CYFIP1: variants seen among roughly 807,000 people sequenced by gnomAD.
CYFIP1 encodes cytoplasmic FMR1 interacting protein 1.
CYFIP1 carries 58 observed loss-of-function variants against 163.5 expected under a neutral mutation model. That is an observed-to-expected ratio of 0.35 (90% CI 0.29 to 0.44). The LOEUF (loss-of-function observed/expected upper bound fraction) is 0.44. CYFIP1 is among the 20% of genes least tolerant of loss of function. CYFIP1 has a pLI of 1.00. For missense variants in CYFIP1, 1,338 were observed against 1,653.8 expected (o/e 0.81, Z 3.31); for synonymous variants, 663 against 660.7 (o/e 1.00, Z -0.05).
chr15:22,933,167 A>G (rs948453240), intron 10 of CYFIP1, among the ~76,000 whole-genome samples: 1 of 151,286 alleles, frequency 6.6e-6, no homozygotes, highest in African/African-American at 2.4e-5. Flanking sequence ...CTTTTTAAAC[A>G]TAAAGACTAT....
At chr15:22,938,461 T>G (rs1006699203) in intron 8 of CYFIP1, among the ~76,000 whole-genome samples, 3 of 151,866 alleles carry the variant, frequency 2.0e-5, no homozygotes, top group African/African-American at 7.3e-5. Flanking sequence ...AAAACTTAGC[T>G]GGGCATTGGT....
At chr15:22,872,667 T>G in intron 30 of CYFIP1, 158 bp downstream of exon 30, 1 of 685,770 alleles carries the variant, frequency 1.5e-6, no homozygotes, top group Non-Finnish European at 2.4e-6. Context: ...TACTGGCCAA[T>G]TATATTTAGA....
At chr15:22,915,159 C>A (rs1327991148) in intron 16 of CYFIP1, 1 of 300,884 alleles carries the variant, frequency 3.3e-6, no homozygotes, top group African/African-American at 2.2e-5. Context: ...CAGAGTCTAT[C>A]TCACTCTGTC....
chr15:22,886,330 G>T (rs1415062922), intron 23 of CYFIP1, among the ~76,000 whole-genome samples: 1 of 152,074 alleles, frequency 6.6e-6, no homozygotes, highest in Non-Finnish European at 1.5e-5. Flanking sequence ...TAAGGACACG[G>T]GTGCAGATAG....
Position 22,892,852 on chromosome 15 carries a change from G to A in CYFIP1, c.2676+38C>T, listed in dbSNP as rs926611638. 6.8e-6 allele frequency: 10 copies of A among 1,469,726 alleles called. No homozygotes were observed. In the Admixed American group the frequency reaches 6.8e-5, roughly 10 times the overall value. 91.0% of individuals were successfully genotyped at this position (1,469,726 alleles called of 1,614,324 possible). A position where few individuals can be genotyped will look rare whatever the true frequency, so the allele number is the denominator to read the frequency against. On this transcript the variant is annotated intron_variant, in intron 23 of 30. Coordinates refer to ENST00000617928, the MANE Select transcript of CYFIP1 (RefSeq NM_014608.6). ...TACACTTCAAAACATGCTTCATTAT[G>A]AGCTTCAAGCTCGTAACACGAACAC...
chr15:22,902,287 G>A (rs2060418974), intron 22 of CYFIP1, among the ~76,000 whole-genome samples: 1 of 152,196 alleles, frequency 6.6e-6, no homozygotes, highest in Non-Finnish European at 1.5e-5. Context: ...GTGCTGATCT[G>A]CACACAGAAG....
In CYFIP1 at chr15:22,868,034, C is replaced by T. The variant is rs1431572881; in HGVS notation, c.*1994G>A. 1.3e-5 allele frequency: 2 copies of T among 152,246 alleles called. No individual in the cohort carries two copies. The highest frequency in any genetic ancestry group is 2.1e-4 in the South Asian group (1 of 4,834). 9.4% of individuals were successfully genotyped at this position (152,246 alleles called of 1,614,324 possible). ...GATGGGAAGAAAGTGTTCGCCTGTT[C>T]CAGCCTGTGGCTCCTGCCTGGAGGT... On this transcript the variant is annotated 3_prime_UTR_variant, in exon 31 of 31. Coordinates refer to ENST00000617928, the MANE Select transcript of CYFIP1 (RefSeq NM_014608.6).
intron 6 of CYFIP1, among the ~76,000 whole-genome samples, chr15:22,941,145 T>C (rs1286540361): frequency 6.6e-6 from 1 of 152,152 alleles, no homozygotes; most frequent in Non-Finnish European, 1.5e-5. Flanking sequence ...AGCCTCTACC[T>C]CCTGGGCTCA....
intron 26 of CYFIP1, among the ~76,000 whole-genome samples, chr15:22,876,714 C>T (rs2059594875): frequency 6.6e-6 from 1 of 151,864 alleles, no homozygotes; most frequent in African/African-American, 2.4e-5. Context: ...GCCTGTAATC[C>T]CAGCTACTCG....
chr15:22,933,195 T>C (rs898755959), intron 10 of CYFIP1, among the ~76,000 whole-genome samples: 1 of 151,934 alleles, frequency 6.6e-6, no homozygotes, highest in Non-Finnish European at 1.5e-5. Flanking sequence ...CACTGTCCAA[T>C]AGGAATCCCT....
At chr15:22,905,903 G>T (rs937534470) in intron 21 of CYFIP1, among the ~76,000 whole-genome samples, 12 of 151,304 alleles carry the variant, frequency 7.9e-5, no homozygotes, top group Non-Finnish European at 1.6e-4. Context: ...TGGGACTACA[G>T]GTGCCCGCCA....
chr15:22,900,173 G>A (rs1173519992), intron 22 of CYFIP1, among the ~76,000 whole-genome samples: 2 of 152,142 alleles, frequency 1.3e-5, no homozygotes, highest in African/African-American at 4.8e-5. Flanking sequence ...GACCCAATAT[G>A]ACTGAAGTCC....
rs1271692734 is a variant in CYFIP1 at position 22,881,180 on chromosome 15, C to T, written c.2911+666G>A. 2.6e-5 allele frequency among the ~76,000 whole-genome samples: 4 copies of T among 152,244 alleles called. No homozygotes were observed. In the East Asian group the frequency reaches 7.7e-4, roughly 29 times the overall value. On this transcript the variant is annotated intron_variant, in intron 25 of 30. Transcript: ENST00000617928. Reference sequence around the variant, plus strand: ...AGAGCTCAGCCACGCTGACTGACTGCCCATCAGGACAGTGCCTCGTCGGTC... The same window carrying T: ...AGAGCTCAGCCACGCTGACTGACTGTCCATCAGGACAGTGCCTCGTCGGTC...
intron 11 of CYFIP1, among the ~76,000 whole-genome samples, chr15:22,929,305 T>C (rs940721581): frequency 6.6e-6 from 1 of 151,618 alleles, no homozygotes; most frequent in African/African-American, 2.4e-5. Context: ...CAATTTCTAG[T>C]CACTGTAATT....
intron 21 of CYFIP1, among the ~76,000 whole-genome samples, chr15:22,906,701 G>A (rs1283964697): frequency 3.9e-5 from 6 of 151,944 alleles, no homozygotes; most frequent in African/African-American, 9.7e-5. Context: ...TCCTGACCTC[G>A]TGATCCGCCC....
At chr15:22,958,943 A>G (rs1443374063) in intron 1 of CYFIP1, among the ~76,000 whole-genome samples, 4 of 152,192 alleles carry the variant, frequency 2.6e-5, no homozygotes, top group African/African-American at 9.7e-5. Flanking sequence ...TAAAGTCTCA[A>G]TCGCTCATAG....
chr15:22,884,602 C>T (rs1318355672), intron 23 of CYFIP1, among the ~76,000 whole-genome samples: 1 of 152,166 alleles, frequency 6.6e-6, no homozygotes, highest in Non-Finnish European at 1.5e-5. Flanking sequence ...GTGTCTGTGG[C>T]TTTTCCAGGT....
intron 23 of CYFIP1, among the ~76,000 whole-genome samples, chr15:22,885,666 G>A (rs1309372794): frequency 6.6e-6 from 1 of 152,150 alleles, no homozygotes; most frequent in Non-Finnish European, 1.5e-5. Context: ...CTGGGAGGCG[G>A]AGGTTGCAGT....
At chr15:22,918,280 G>T (rs1367355961) in intron 14 of CYFIP1, among the ~76,000 whole-genome samples, 2 of 152,112 alleles carry the variant, frequency 1.3e-5, no homozygotes, top group Non-Finnish European at 2.9e-5. Flanking sequence ...CCTGCCCGCA[G>T]CTGGCTGTCC....
Sources: gnomAD v4.1 joint callset for allele counts (sites outside exome capture counted in the v4.1 genomes callset) on GRCh38, gnomAD v4.1.1 for gene constraint, MANE v1.5 for transcripts, NCBI Gene and HGNC (gene_info 2026-07-23, HGNC 2026-07-21) for gene names.